Variants in PTPRD observed in about 807,000 individuals in gnomAD.
PTPRD encodes the protein receptor-type tyrosine-protein phosphatase delta.
Under a neutral mutation model 214.5 loss-of-function variants are expected in PTPRD, and 34 were observed. The ratio of observed to expected loss-of-function variants is 0.16; its 90% CI spans 0.12 to 0.21. The LOEUF (loss-of-function observed/expected upper bound fraction) is 0.21. Among genes scored for constraint, PTPRD ranks in the 10% least tolerant of loss-of-function variants. PTPRD has a pLI of 1.00. For synonymous variants in PTPRD, 1,128 were observed against 845.7 expected, an observed-to-expected ratio of 1.33 and a Z score of -5.79; for missense variants, 2,545 against 2,398.7, an observed-to-expected ratio of 1.06 and a Z score of -1.27.
At chr9:8,534,448 T>C (rs1197310008) in intron 14 of PTPRD, among the ~76,000 whole-genome samples, 2 of 152,020 alleles carry the variant, frequency 1.3e-5, no homozygotes, top group East Asian at 3.9e-4. Context: ...GGAATACAGA[T>C]TTCTAAGTCA....
intron 9 of PTPRD, among the ~76,000 whole-genome samples, chr9:9,191,704 G>A (rs973873250): frequency 6.6e-6 from 1 of 152,010 alleles, no homozygotes; most frequent in Non-Finnish European, 1.5e-5. Context: ...GGTGCACTAT[G>A]TGAACCAAAA....
intron 3 of PTPRD, among the ~76,000 whole-genome samples, chr9:10,301,050 T>G (rs1427198547): frequency 1.3e-5 from 2 of 152,076 alleles, no homozygotes; most frequent in East Asian, 3.9e-4. Context: ...CCCTCTGGGA[T>G]GAAGCTTCCA....
At chr9:8,353,979 A>T (rs1399956772) in intron 39 of PTPRD, among the ~76,000 whole-genome samples, 57 of 94,436 alleles carry the variant, frequency 6.0e-4, no homozygotes, top group South Asian at 1.2e-3. Flanking sequence ...TTTTTTTTTG[A>T]GAAGGAGTCT....
At chr9:9,490,959 G>A (rs1355630160) in intron 8 of PTPRD, among the ~76,000 whole-genome samples, 2 of 96,972 alleles carry the variant, frequency 2.1e-5, no homozygotes, top group Non-Finnish European at 3.9e-5. Context: ...GAACTATAAT[G>A]AACTAATATA....
intron 5 of PTPRD, among the ~76,000 whole-genome samples, chr9:9,822,456 CAATA>C (rs1565525598): frequency 6.8e-6 from 1 of 146,654 alleles, no homozygotes; most frequent in Non-Finnish European, 1.5e-5. Context: ...ACATAATATA[CAATA>C]TATATGTAAT....
intron 11 of PTPRD, among the ~76,000 whole-genome samples, chr9:8,780,055 C>T (rs1205492007): frequency 6.6e-6 from 1 of 151,846 alleles, no homozygotes; most frequent in Non-Finnish European, 1.5e-5. Flanking sequence ...GTCATAAGCC[C>T]TCAGTGCTCC....
At chr9:9,380,790 A>G (rs541623465) in intron 9 of PTPRD, among the ~76,000 whole-genome samples, 5 of 152,220 alleles carry the variant, frequency 3.3e-5, no homozygotes, top group Admixed American at 3.3e-4. Context: ...CAAAATCTCT[A>G]TGATTGTGGA....
intron 2 of PTPRD, among the ~76,000 whole-genome samples, chr9:10,417,266 A>G (rs555218192): frequency 1.3e-5 from 2 of 151,956 alleles, no homozygotes; most frequent in Non-Finnish European, 2.9e-5. Flanking sequence ...ATTACATTCT[A>G]ATAATCGACC....
intron 7 of PTPRD, among the ~76,000 whole-genome samples, chr9:9,643,752 T>C (rs1278519254): frequency 6.6e-6 from 1 of 152,184 alleles, no homozygotes; most frequent in African/African-American, 2.4e-5. Flanking sequence ...ATATGAATGA[T>C]TGTTCTTAGA....
At chr9:10,479,623 G>C (rs369089551) in intron 2 of PTPRD, among the ~76,000 whole-genome samples, 5 of 36,602 alleles carry the variant, frequency 1.4e-4, no homozygotes, top group Admixed American at 3.0e-4. Context: ...TCTAAAAAAA[G>C]AAAACATAAA....
At chr9:10,568,020 G>T (rs913805533) in intron 2 of PTPRD, among the ~76,000 whole-genome samples, 7 of 150,660 alleles carry the variant, frequency 4.6e-5, no homozygotes, top group Non-Finnish European at 7.4e-5. Context: ...CAACGTGCAG[G>T]TTTGTTACAT....
At chr9:9,082,981 G>C (rs1370204092) in intron 10 of PTPRD, among the ~76,000 whole-genome samples, 1 of 152,138 alleles carries the variant, frequency 6.6e-6, no homozygotes, top group African/African-American at 2.4e-5. Flanking sequence ...ACTGCCCAAA[G>C]TAATTTATAG....
At chr9:9,388,054 C>T (rs2064490449) in intron 9 of PTPRD, among the ~76,000 whole-genome samples, 1 of 152,040 alleles carries the variant, frequency 6.6e-6, no homozygotes, top group African/African-American at 2.4e-5. Flanking sequence ...TTGGATCACA[C>T]GTGGGCTTGG....
At chr9:9,101,700 T>C (rs2099791617) in intron 10 of PTPRD, among the ~76,000 whole-genome samples, 1 of 152,222 alleles carries the variant, frequency 6.6e-6, no homozygotes, top group South Asian at 2.1e-4. Flanking sequence ...GATGTGTGCC[T>C]GTCACTTATG....
intron 11 of PTPRD, among the ~76,000 whole-genome samples, chr9:8,792,059 G>A (rs796867271): frequency 6.6e-6 from 1 of 152,106 alleles, no homozygotes; most frequent in African/African-American, 2.4e-5. Context: ...CTTAAGGGCG[G>A]AAAAAAAGCT....
Position 8,722,056 on chromosome 9 carries a change from T to A in PTPRD, c.64+11724A>T, listed in dbSNP as rs576565008. Among the ~76,000 whole-genome samples the A allele has an allele frequency of 2.0e-5, 3 of 152,056 alleles. No homozygotes were observed. The East Asian group carries it at 5.8e-4, about 29-fold the overall frequency. On this transcript the variant is annotated intron_variant, in intron 12 of 45. Coordinates refer to ENST00000381196, the MANE Select transcript of PTPRD (RefSeq NM_002839.4). Reference sequence around the variant, plus strand: ...CTGCTTCCTGAGTAGAATTCCTTGATAAGAAAAATCATCTCAATAGGTCAA... The same window carrying A: ...CTGCTTCCTGAGTAGAATTCCTTGAAAAGAAAAATCATCTCAATAGGTCAA...
chr9:8,408,346 T>C (rs74730961), intron 35 of PTPRD, among the ~76,000 whole-genome samples: 19,824 of 152,128 alleles, frequency 0.13, 1,863 homozygotes, highest in Non-Finnish European at 0.19. Context: ...CTGCTGTTAG[T>C]GTTTGGTTTT....
rs1433061654 is a variant in PTPRD at position 8,934,502 on chromosome 9, T to A, written c.-104+84195A>T. 9.4e-4 allele frequency among the ~76,000 whole-genome samples: 23 copies of A among 24,532 alleles called. 1 individual carries two copies. Among genetic ancestry groups the A allele is most frequent in the South Asian group, 9.3e-3 (6 of 646 alleles). 16.1% of individuals were successfully genotyped at this position (24,532 alleles called of 152,430 possible). A position where few individuals can be genotyped will look rare whatever the true frequency, so the allele number is the denominator to read the frequency against. ...AAATATATATATATATAAATATATATATAAATATATATATATAAATATATA... is the reference window on the plus strand; with the variant it reads ...AAATATATATATATATAAATATATAAATAAATATATATATATAAATATATA... On this transcript the variant is annotated intron_variant, in intron 11 of 45. Transcript: ENST00000381196.
chr9:8,955,581 T>A (rs1046167409), intron 11 of PTPRD, among the ~76,000 whole-genome samples: 1 of 151,892 alleles, frequency 6.6e-6, no homozygotes, highest in African/African-American at 2.4e-5. Flanking sequence ...TTTCACAGAA[T>A]GAGGCTTCCT....
Sources: gnomAD v4.1 joint callset for allele counts (sites outside exome capture counted in the v4.1 genomes callset) on GRCh38, gnomAD v4.1.1 for gene constraint, MANE v1.5 for transcripts, NCBI Gene and HGNC (gene_info 2026-07-23, HGNC 2026-07-21) for gene names.